The following GRIP1 variants were observed in gnomAD, a reference collection of about 807,000 sequenced individuals.
GRIP1 encodes glutamate receptor interacting protein 1, also known as glutamate receptor-interacting protein 1.
GRIP1 carries 45 observed loss-of-function variants against 129.9 expected under a neutral mutation model. The observed-to-expected ratio is 0.35, with a 90% CI of 0.27 to 0.44. The LOEUF (loss-of-function observed/expected upper bound fraction) is 0.44, where lower values mean the gene tolerates loss of function less well. Among genes scored for constraint, GRIP1 ranks in the 20% least tolerant of loss-of-function variants. The pLI is 1.00. For missense variants in GRIP1, 1,196 were observed against 1,396.8 expected (o/e 0.86, Z 2.29); for synonymous variants, 530 against 520.8 (o/e 1.02, Z -0.24).
intron 5 of GRIP1, among the ~76,000 whole-genome samples, chr12:66,523,260 T>A (rs997104427): frequency 1.3e-5 from 2 of 150,322 alleles, no homozygotes; most frequent in African/African-American, 4.9e-5. Context: ...AAGGAAAAAA[T>A]GTTAAAGGCA....
chr12:66,598,016 C>T (rs370489309), intron 1 of GRIP1, among the ~76,000 whole-genome samples: 14 of 151,768 alleles, frequency 9.2e-5, no homozygotes, highest in South Asian at 2.1e-4. Context: ...CTGCTGGCCA[C>T]GCTATAAGAT....
chr12:66,792,534 A>G (rs2038574765), intron 1 of GRIP1, among the ~76,000 whole-genome samples: 1 of 152,164 alleles, frequency 6.6e-6, no homozygotes, highest in Non-Finnish European at 1.5e-5. Context: ...GCAAAACCCC[A>G]TATCTACAAA....
chr12:66,755,579 G>C (rs2037262416), intron 1 of GRIP1, among the ~76,000 whole-genome samples: 1 of 152,198 alleles, frequency 6.6e-6, no homozygotes, highest in Non-Finnish European at 1.5e-5. Flanking sequence ...CCCACCTGGG[G>C]AACTAAGTTT....
At chr12:66,639,983 C>T (rs11176353) in intron 1 of GRIP1, among the ~76,000 whole-genome samples, 8,283 of 152,210 alleles carry the variant, frequency 0.054, 390 homozygotes, top group African/African-American at 0.12. Flanking sequence ...TGCCTTTCCA[C>T]ATACCCACAC....
chr12:66,528,134 G>GTTTTTTTTTTTTTTTTTTT (rs59443918), intron 5 of GRIP1, among the ~76,000 whole-genome samples: 7 of 99,240 alleles, frequency 7.1e-5, no homozygotes, highest in African/African-American at 3.3e-4. Context: ...GAATTAGTAG[G>GTTTTTTTTTTTTTTTTTTT]TTTTTTTTTT....
intron 1 of GRIP1, among the ~76,000 whole-genome samples, chr12:66,822,834 G>A (rs553486249): frequency 6.6e-6 from 1 of 152,212 alleles, no homozygotes; most frequent in South Asian, 2.1e-4. Context: ...GGAAACGGGG[G>A]AGGAGAAAGG....
At chr12:66,749,740 C>G (rs114553647) in intron 1 of GRIP1, among the ~76,000 whole-genome samples, 333 of 152,212 alleles carry the variant, frequency 2.2e-3, no homozygotes, top group African/African-American at 7.6e-3. Flanking sequence ...CACCACCAAC[C>G]CTTTTACCCA....
At chr12:66,575,272 G>A (rs573625795) in intron 2 of GRIP1, among the ~76,000 whole-genome samples, 1 of 152,182 alleles carries the variant, frequency 6.6e-6, no homozygotes, top group Admixed American at 6.5e-5. Flanking sequence ...CACCTTTTAT[G>A]AGTAGCAAGC....
intron 1 of GRIP1, among the ~76,000 whole-genome samples, chr12:66,936,855 G>C (rs1359448293): frequency 6.6e-6 from 1 of 152,156 alleles, no homozygotes; most frequent in East Asian, 1.9e-4. Context: ...CAGGCCTAGA[G>C]GCAGGATACC....
At chr12:67,020,651 C>T (rs1026398090) in intron 1 of GRIP1, among the ~76,000 whole-genome samples, 4 of 152,106 alleles carry the variant, frequency 2.6e-5, no homozygotes, top group Non-Finnish European at 5.9e-5. Flanking sequence ...GCAATCCTCC[C>T]ACCTTGGCCT....
chr12:66,984,955 A>G (rs1308442295), intron 1 of GRIP1, among the ~76,000 whole-genome samples: 2 of 152,192 alleles, frequency 1.3e-5, no homozygotes, highest in African/African-American at 4.8e-5. Context: ...ACATATTGTC[A>G]GCTGGGGTGG....
upstream of GRIP1, chr12:66,804,196 C>T (rs1448592596): frequency 2.2e-6 from 1 of 453,530 alleles, no homozygotes; most frequent in East Asian, 7.0e-5. Flanking sequence ...CTCTTACTCA[C>T]CGTGCAGCGC....
intron 1 of GRIP1, among the ~76,000 whole-genome samples, chr12:66,857,547 T>C (rs553792211): frequency 7.0e-6 from 1 of 141,930 alleles, no homozygotes; most frequent in Non-Finnish European, 1.5e-5. Flanking sequence ...GGGCTCTGGC[T>C]AGTCTCAGGA....
At chr12:66,500,424 T>C (rs114889095) in intron 7 of GRIP1, among the ~76,000 whole-genome samples, 81 of 152,140 alleles carry the variant, frequency 5.3e-4, no homozygotes, top group African/African-American at 1.8e-3. Context: ...CTAGCAGAGG[T>C]AGGTCTGGGA....
At chr12:66,967,682 T>G (rs990714034) in intron 1 of GRIP1, among the ~76,000 whole-genome samples, 1 of 152,176 alleles carries the variant, frequency 6.6e-6, no homozygotes, top group African/African-American at 2.4e-5. Flanking sequence ...TAAATTTATC[T>G]TGTGACCTCT....
chr12:66,485,868 CACAG>C (rs1321518857), intron 7 of GRIP1, among the ~76,000 whole-genome samples: 1 of 151,908 alleles, frequency 6.6e-6, no homozygotes, highest in Non-Finnish European at 1.5e-5. Context: ...AATATATGTA[CACAG>C]ACAGATTAAT....
intron 5 of GRIP1, among the ~76,000 whole-genome samples, chr12:66,522,940 T>A (rs906508986): frequency 2.0e-5 from 3 of 151,784 alleles, no homozygotes; most frequent in African/African-American, 7.3e-5. Flanking sequence ...TGATGGAAGA[T>A]GAAATGAATG....
chr12:66,424,597 T>G (rs2057920509), intron 14 of GRIP1, among the ~76,000 whole-genome samples: 1 of 152,184 alleles, frequency 6.6e-6, no homozygotes, highest in Non-Finnish European at 1.5e-5. Flanking sequence ...TTTGTCATAA[T>G]TTTTGGTATT....
At chr12:66,427,467 G>T (rs2058022883) in intron 14 of GRIP1, among the ~76,000 whole-genome samples, 1 of 152,106 alleles carries the variant, frequency 6.6e-6, no homozygotes, top group African/African-American at 2.4e-5. Flanking sequence ...ACCTAGGTAG[G>T]CTTGAAAAGT....
Sources: allele counts gnomAD v4.1 joint callset (sites outside exome capture counted in the v4.1 genomes callset), GRCh38; gene constraint gnomAD v4.1.1; transcripts MANE v1.5; gene names NCBI Gene and HGNC (gene_info 2026-07-23, HGNC 2026-07-21).